Variants in FNDC3B observed in about 807,000 individuals in gnomAD.
FNDC3B encodes fibronectin type III domain-containing protein 3B.
Under a neutral mutation model 151.5 loss-of-function variants are expected in FNDC3B, and 12 were observed. That is an observed-to-expected ratio of 0.08 (90% CI 0.05 to 0.13). FNDC3B has a LOEUF of 0.13. FNDC3B is among the 10% of genes least tolerant of loss of function. The pLI, the probability that FNDC3B is intolerant of heterozygous loss-of-function variation, is 1.00. For missense variants in FNDC3B, 1,214 were observed against 1,505.3 expected (o/e 0.81, Z 3.20); for synonymous variants, 528 against 549.0 (o/e 0.96, Z 0.54).
At chr3:172,255,666 T>A (rs1055779622) in intron 6 of FNDC3B, among the ~76,000 whole-genome samples, 16 of 152,256 alleles carry the variant, frequency 1.1e-4, no homozygotes, top group African/African-American at 3.6e-4. Flanking sequence ...CCTCCCAAAG[T>A]GTTGGGATTA....
chr3:172,213,191 A>C (rs1018123630), intron 3 of FNDC3B, among the ~76,000 whole-genome samples: 3 of 152,230 alleles, frequency 2.0e-5, no homozygotes, highest in Admixed American at 1.3e-4. Context: ...CTGTGCAGAC[A>C]GCCTAACAGA....
At chr3:172,275,309 A>G (rs911897680) in intron 6 of FNDC3B, among the ~76,000 whole-genome samples, 1 of 151,964 alleles carries the variant, frequency 6.6e-6, no homozygotes, top group Non-Finnish European at 1.5e-5. Flanking sequence ...TGAGGGGGGG[A>G]AATATACATG....
chr3:172,274,829 G>A (rs1362093320), intron 6 of FNDC3B, among the ~76,000 whole-genome samples: 2 of 152,018 alleles, frequency 1.3e-5, no homozygotes, highest in Non-Finnish European at 2.9e-5. Context: ...GTCTGCATCC[G>A]AATTTCCTCC....
At chr3:172,289,726 A>G (rs1445064959) in intron 7 of FNDC3B, among the ~76,000 whole-genome samples, 1 of 152,188 alleles carries the variant, frequency 6.6e-6, no homozygotes, top group East Asian at 1.9e-4. Context: ...GGGGGCACAA[A>G]CGCCGGAAGT....
At chr3:172,236,786 C>T (rs1727189342) in intron 4 of FNDC3B, among the ~76,000 whole-genome samples, 2 of 152,148 alleles carry the variant, frequency 1.3e-5, no homozygotes, top group Admixed American at 6.5e-5. Flanking sequence ...TGTCTCTTGA[C>T]CTTGCTGGAC....
intron 25 of FNDC3B, among the ~76,000 whole-genome samples, chr3:172,392,000 A>G (rs919283278): frequency 1.3e-5 from 2 of 152,102 alleles, no homozygotes; most frequent in African/African-American, 4.8e-5. Flanking sequence ...AAAAATGGCT[A>G]TTGTTTTCCT....
intron 15 of FNDC3B, among the ~76,000 whole-genome samples, chr3:172,337,112 A>G (rs766750926): frequency 2.0e-4 from 30 of 152,134 alleles, no homozygotes; most frequent in Admixed American, 5.2e-4. Context: ...ACATTTCTAT[A>G]TCTAAGAACT....
chr3:172,117,013 T>A (rs1370193234), intron 2 of FNDC3B, among the ~76,000 whole-genome samples: 1 of 152,264 alleles, frequency 6.6e-6, no homozygotes, highest in African/African-American at 2.4e-5. Flanking sequence ...TTTTCACTTT[T>A]TGGCTGTTAT....
At chr3:172,098,507 G>A (rs1719200023) in intron 1 of FNDC3B, among the ~76,000 whole-genome samples, 1 of 152,150 alleles carries the variant, frequency 6.6e-6, no homozygotes, top group Non-Finnish European at 1.5e-5. Context: ...AATCAGTGGA[G>A]TTATGAAGTA....
intron 1 of FNDC3B, among the ~76,000 whole-genome samples, chr3:172,082,176 G>A (rs762290393): frequency 7.2e-5 from 11 of 152,184 alleles, no homozygotes; most frequent in Non-Finnish European, 1.2e-4. Flanking sequence ...ATTCTTTTGT[G>A]TATATGAATT....
chr3:172,159,193 C>G (rs1722649292), intron 3 of FNDC3B, among the ~76,000 whole-genome samples: 1 of 152,166 alleles, frequency 6.6e-6, no homozygotes, highest in Non-Finnish European at 1.5e-5. Context: ...GCAGGAGAAT[C>G]CCTTGAACCT....
intron 10 of FNDC3B, among the ~76,000 whole-genome samples, chr3:172,310,575 G>A (rs142790274): frequency 2.6e-5 from 4 of 152,308 alleles, no homozygotes; most frequent in African/African-American, 7.2e-5. Context: ...AAAGGGAGAG[G>A]TGGTGGTGGT....
chr3:172,244,094 A>G (rs559065710), intron 4 of FNDC3B, among the ~76,000 whole-genome samples: 2 of 152,150 alleles, frequency 1.3e-5, no homozygotes, highest in Non-Finnish European at 2.9e-5. Flanking sequence ...TTCTCTTTAT[A>G]TTCTTAGGCT....
intron 3 of FNDC3B, among the ~76,000 whole-genome samples, chr3:172,133,938 G>C (rs1348287757): frequency 6.6e-6 from 1 of 152,166 alleles, no homozygotes. Flanking sequence ...CCAATAACTA[G>C]AGGGCAAGAG....
At chr3:172,268,598 C>T (rs16845257) in intron 6 of FNDC3B, among the ~76,000 whole-genome samples, 21,026 of 152,074 alleles carry the variant, frequency 0.14, 1,612 homozygotes, top group African/African-American at 0.21. Context: ...ATGTAGATCA[C>T]AGCTCTCCGT....
intron 6 of FNDC3B, 73 bp downstream of exon 6, chr3:172,251,614 T>C: frequency 1.4e-6 from 2 of 1,379,372 alleles, no homozygotes; most frequent in Non-Finnish European, 2.0e-6. Flanking sequence ...TCCACATCTT[T>C]TACATGAGAA....
chr3:172,213,661 C>T (rs1725838351), intron 3 of FNDC3B, among the ~76,000 whole-genome samples: 4 of 152,166 alleles, frequency 2.6e-5, no homozygotes, highest in Admixed American at 2.0e-4. Context: ...TTAGTGATTA[C>T]CTGGTAATTT....
intron 4 of FNDC3B, among the ~76,000 whole-genome samples, chr3:172,227,961 A>G (rs556141992): frequency 1.3e-5 from 2 of 152,320 alleles, no homozygotes; most frequent in South Asian, 4.1e-4. Context: ...GGAATCAAAG[A>G]TTTATCCTTC....
chr3:172,200,034 C>CAT (rs397769792), intron 3 of FNDC3B, among the ~76,000 whole-genome samples: 3 of 152,046 alleles, frequency 2.0e-5, no homozygotes, highest in Admixed American at 6.5e-5. Context: ...TTCATTCATT[C>CAT]TCTAACCCAT....
Sources: allele counts gnomAD v4.1 joint callset (sites outside exome capture counted in the v4.1 genomes callset), GRCh38; gene constraint gnomAD v4.1.1; transcripts MANE v1.5; gene names NCBI Gene and HGNC (gene_info 2026-07-23, HGNC 2026-07-21).